HPS3: variants seen among roughly 807,000 people sequenced by gnomAD.
HPS3 encodes HPS3 biogenesis of lysosomal organelles complex 2 subunit 1.
A neutral mutation model predicts 110.9 loss-of-function variants in HPS3; 79 were observed. The ratio of observed to expected loss-of-function variants is 0.71; its 90% CI spans 0.59 to 0.86. The LOEUF (loss-of-function observed/expected upper bound fraction) is 0.86, where lower values mean the gene tolerates loss of function less well. Among genes scored for constraint, HPS3 ranks in the 40% least tolerant of loss-of-function variants. The pLI is 0.00. For missense variants in HPS3, 1,197 were observed against 1,206.2 expected (o/e 0.99, Z 0.11); for synonymous variants, 428 against 451.0 (o/e 0.95, Z 0.65).
intron 15 of HPS3, among the ~76,000 whole-genome samples, chr3:149,167,672 T>C (rs1000700749): frequency 6.6e-6 from 1 of 152,168 alleles, no homozygotes; most frequent in African/African-American, 2.4e-5. Context: ...ATATGTACAA[T>C]ATATGTATTA....
At position 149,144,033 on chromosome 3, in the gene HPS3, T is replaced by C. The variant is rs1316895009; in HGVS notation, c.971-1321T>C. ...TTGCATTCATAAATATTTCAACATA[T>C]GTCTCTAAAAGTATTCTTTTACTTA... On this transcript the variant is annotated intron_variant, in intron 4 of 16. Coordinates refer to ENST00000296051, the MANE Select transcript of HPS3 (RefSeq NM_032383.5). Among the ~76,000 whole-genome samples, 5 of 152,162 alleles carry C rather than the reference T, an allele frequency of 3.3e-5. No homozygotes were observed. The East Asian group carries it at 5.8e-4, about 18-fold the overall frequency.
rs1723704315 is a variant in HPS3, at chr3:149,160,257, A to G, written c.2084A>G (p.Asn695Ser). The G allele has an allele frequency of 6.2e-7, 1 of 1,613,322 alleles. No individual in the cohort carries two copies. Among genetic ancestry groups the G allele is most frequent in the Non-Finnish European group, 8.5e-7 (1 of 1,179,352 alleles). The stretch of plus-strand genomic sequence containing the variant: ...ATGGGAGATCTTGACATGCACAGAA[A>G]TGAAATGAAAAGCCATTCAGAGGTA... ...LKMGDLDMHR[N>S]EMKSHSEMKL... is the part of the protein sequence containing the mutation. The change falls in exon 11 of 17, where the codon AAT (asparagine) becomes AGT (serine). Residue 695 changes from asparagine to serine, a missense_variant. Asn to Ser is a conservative substitution (Grantham distance 46, BLOSUM62 1). Transcript: ENST00000296051.
chr3:149,143,325 C>G (rs1722597625), intron 4 of HPS3, among the ~76,000 whole-genome samples: 1 of 152,214 alleles, frequency 6.6e-6, no homozygotes, highest in Non-Finnish European at 1.5e-5. Context: ...GCGTAGGGTA[C>G]TCCTCTCAGC....
chr3:149,134,174 A>G lies in HPS3; in HGVS notation c.217+4234A>G, dbSNP rs545726481. Among the ~76,000 whole-genome samples the G allele has an allele frequency of 4.0e-5, 6 of 150,174 alleles. No individual in the cohort carries two copies. In the South Asian group the frequency reaches 1.1e-3, roughly 26 times the overall value. ...ACTGGGCCACGGACCTGTTTGAAAA[A>G]CCTCTCATTAACTCTTTAAGTTCCC... On this transcript the variant is annotated intron_variant, in intron 1 of 16. Coordinates refer to ENST00000296051, the MANE Select transcript of HPS3 (RefSeq NM_032383.5).
At chr3:149,133,786 ATTGCT>A (rs1270373917) in intron 1 of HPS3, among the ~76,000 whole-genome samples, 2 of 152,082 alleles carry the variant, frequency 1.3e-5, no homozygotes, top group Admixed American at 6.6e-5. Flanking sequence ...AGGTATGTAC[ATTGCT>A]TTGTTTTTTT....
At chr3:149,137,434 CAT>C (rs1475494281) in intron 1 of HPS3, among the ~76,000 whole-genome samples, 1 of 152,120 alleles carries the variant, frequency 6.6e-6, no homozygotes, top group Admixed American at 6.6e-5. Context: ...AAACATTAAA[CAT>C]AGAATTACCA....
chr3:149,147,866 C>T lies in HPS3; in HGVS notation c.1163+2320C>T, dbSNP rs896965815. ...GTAAATTCAGATTCTTAATAAGAAT[C>T]TCCACTCCTGTTTTTCAAATCAAAT... On this transcript the variant is annotated intron_variant, in intron 5 of 16. Coordinates refer to ENST00000296051, the MANE Select transcript of HPS3 (RefSeq NM_032383.5). 6.6e-5 allele frequency among the ~76,000 whole-genome samples: 10 copies of T among 152,262 alleles called. No individual in the cohort carries two copies. The East Asian group carries it at 1.5e-3, about 23-fold the overall frequency.
chr3:149,146,460 G>A (rs913936577), intron 5 of HPS3, among the ~76,000 whole-genome samples: 1 of 152,230 alleles, frequency 6.6e-6, no homozygotes, highest in African/African-American at 2.4e-5. Flanking sequence ...AATTTTGGTA[G>A]ATGAAGATTG....
chr3:149,156,141 C>T (rs1723442824), intron 8 of HPS3, among the ~76,000 whole-genome samples: 1 of 152,210 alleles, frequency 6.6e-6, no homozygotes, highest in Non-Finnish European at 1.5e-5. Flanking sequence ...CTCTTTTATG[C>T]ACTCTGTGCT....
intron 5 of HPS3, among the ~76,000 whole-genome samples, chr3:149,149,976 G>T (rs1315153117): frequency 6.6e-6 from 1 of 152,090 alleles, no homozygotes; most frequent in Non-Finnish European, 1.5e-5. Context: ...GATCTAATTG[G>T]CTCTACTCTC....
Position 149,139,977 on chromosome 3 carries a change from C to A in HPS3, c.218-27C>A, listed in dbSNP as rs778723220. ...GTGGTTGTATTTCTAATTACAAATT[C>A]TCAGTATAATCTTCATTCCTTCTCA... On this transcript the variant is annotated intron_variant, in intron 1 of 16. Coordinates refer to ENST00000296051, the MANE Select transcript of HPS3 (RefSeq NM_032383.5). 3.1e-6 allele frequency: 5 copies of A among 1,601,104 alleles called. No homozygotes were observed. In the African/African-American group the frequency reaches 6.7e-5, roughly 21 times the overall value.
intron 1 of HPS3, among the ~76,000 whole-genome samples, chr3:149,136,204 ACAT>A (rs1559906269): frequency 1.0e-5 from 1 of 96,592 alleles, no homozygotes; most frequent in Non-Finnish European, 2.1e-5. Context: ...ATATGTATAT[ACAT>A]ATATATATAC....
At chr3:149,155,268 A>G in intron 8 of HPS3, 53 bp downstream of exon 8, 1 of 1,016,070 alleles carries the variant, frequency 9.8e-7, no homozygotes, top group Non-Finnish European at 1.6e-6. Flanking sequence ...AGTGAAATTA[A>G]TGATCAGAAA....
chr3:149,138,718 C>A (rs952884628), intron 1 of HPS3, among the ~76,000 whole-genome samples: 1 of 152,082 alleles, frequency 6.6e-6, no homozygotes, highest in Admixed American at 6.5e-5. Flanking sequence ...ATAAGAAAAA[C>A]AAATGAACAA....
chr3:149,163,386 C>T (rs1724086106), intron 13 of HPS3, among the ~76,000 whole-genome samples: 1 of 152,124 alleles, frequency 6.6e-6, no homozygotes, highest in Non-Finnish European at 1.5e-5. Context: ...CGTTCTTGCT[C>T]CTAGCCCATT....
intron 1 of HPS3, among the ~76,000 whole-genome samples, chr3:149,134,532 G>A (rs1721965132): frequency 6.6e-6 from 1 of 152,174 alleles, no homozygotes; most frequent in Non-Finnish European, 1.5e-5. Context: ...CGGATCCTTG[G>A]ATGGCCACTA....
chr3:149,130,189 T>G, intron 1 of HPS3: 1 of 573,154 alleles, frequency 1.7e-6, no homozygotes, highest in Admixed American at 3.1e-5. Flanking sequence ...TCGTCTTGGT[T>G]TTCTGCAGAA....
At chr3:149,158,383 T>A (rs1723583460) in intron 9 of HPS3, among the ~76,000 whole-genome samples, 1 of 152,154 alleles carries the variant, frequency 6.6e-6, no homozygotes, top group Admixed American at 6.5e-5. Flanking sequence ...AAGATAAAAC[T>A]TAGGAGTTTG....
intron 9 of HPS3, among the ~76,000 whole-genome samples, chr3:149,157,933 A>G (rs1723555112): frequency 6.6e-6 from 1 of 152,204 alleles, no homozygotes; most frequent in Admixed American, 6.5e-5. Flanking sequence ...CCATTCTGAC[A>G]AGGGCTTAGC....
Sources: allele counts gnomAD v4.1 joint callset (sites outside exome capture counted in the v4.1 genomes callset), GRCh38; gene constraint gnomAD v4.1.1; transcripts MANE v1.5; gene names NCBI Gene and HGNC (gene_info 2026-07-23, HGNC 2026-07-21).